Variants in SIPA1L1 observed in about 807,000 individuals in gnomAD.
The protein encoded by SIPA1L1 is signal-induced proliferation-associated 1-like protein 1.
SIPA1L1 carries 26 observed loss-of-function variants against 162.7 expected under a neutral mutation model. That is an observed-to-expected ratio of 0.16 (90% CI 0.12 to 0.22). The LOEUF (loss-of-function observed/expected upper bound fraction) is 0.22. SIPA1L1 is among the 10% of genes least tolerant of loss of function. SIPA1L1 has a pLI of 1.00. For missense variants in SIPA1L1, 1,874 were observed against 2,241.0 expected, an observed-to-expected ratio of 0.84 and a Z score of 3.31; for synonymous variants, 829 against 837.4, an observed-to-expected ratio of 0.99 and a Z score of 0.17.
At chr14:71,616,547 G>C (rs1269022008) in intron 5 of SIPA1L1, among the ~76,000 whole-genome samples, 1 of 151,278 alleles carries the variant, frequency 6.6e-6, no homozygotes, top group Non-Finnish European at 1.5e-5. Context: ...GGGTCATCAA[G>C]GTACCTGAGT....
At chr14:71,450,787 C>T (rs1393619543) in intron 2 of SIPA1L1, among the ~76,000 whole-genome samples, 1 of 152,064 alleles carries the variant, frequency 6.6e-6, no homozygotes, top group African/African-American at 2.4e-5. Flanking sequence ...AAAGGGAACC[C>T]TTGCATACTG....
At chr14:71,529,433 T>C in intron 4 of SIPA1L1, 63 bp downstream of exon 4, 1 of 574,406 alleles carries the variant, frequency 1.7e-6, no homozygotes, top group Non-Finnish European at 3.2e-6. Flanking sequence ...TTTCTGTGTT[T>C]AAATTTCTGA....
chr14:71,605,489 G>A (rs2037380943), intron 5 of SIPA1L1, among the ~76,000 whole-genome samples: 1 of 152,140 alleles, frequency 6.6e-6, no homozygotes, highest in Admixed American at 6.5e-5. Context: ...CACATCTGAT[G>A]TAACAGTTGC....
At chr14:71,730,329 A>G (rs758027562) in intron 20 of SIPA1L1, 28 bp downstream of exon 20, 9 of 1,611,014 alleles carry the variant, frequency 5.6e-6, no homozygotes, top group Non-Finnish European at 5.9e-6. Context: ...TGCAGCCTGG[A>G]TGGCCCTGTT....
rs148648920 is a variant in SIPA1L1 at position 71,568,610 on chromosome 14, C to T, written c.-302-18961C>T. 2.8e-4 allele frequency among the ~76,000 whole-genome samples: 43 copies of T among 152,106 alleles called. No homozygotes were observed. In the South Asian group the frequency reaches 7.7e-3, roughly 27 times the overall value. ...CTTGGATCTTGTGCAAGAAAGAATT[C>T]GAGGTGAATCCGTAAAGTGAGAGCA... On this transcript the variant is annotated intron_variant, in intron 4 of 23. Transcript: ENST00000381232.
chr14:71,544,023 G>A (rs556708018), intron 4 of SIPA1L1, among the ~76,000 whole-genome samples: 37 of 143,184 alleles, frequency 2.6e-4, no homozygotes, highest in Admixed American at 9.1e-4. Flanking sequence ...ATACACATAC[G>A]CACATGTATG....
chr14:71,735,450 A>T, intron 22 of SIPA1L1, 59 bp downstream of exon 22: 1 of 1,175,594 alleles, frequency 8.5e-7, no homozygotes, highest in East Asian at 2.3e-5. Context: ...CACTGACTGC[A>T]TCTGTGGGGA....
chr14:71,723,946 A>G (rs2083992349), intron 18 of SIPA1L1, 60 bp downstream of exon 18: 2 of 1,598,192 alleles, frequency 1.3e-6, no homozygotes, highest in East Asian at 2.2e-5. Flanking sequence ...GAGAATAGAA[A>G]AGCTTGGCGT....
chr14:71,503,695 A>G (rs181510124), intron 2 of SIPA1L1: 13 of 152,328 alleles, frequency 8.5e-5, no homozygotes, highest in African/African-American at 2.6e-4. Flanking sequence ...TTACTTTTGT[A>G]AACTATGTTG....
At chr14:71,675,372 G>A (rs144051558) in intron 12 of SIPA1L1, among the ~76,000 whole-genome samples, 30 of 118,456 alleles carry the variant, frequency 2.5e-4, no homozygotes, top group African/African-American at 8.1e-4. Flanking sequence ...CATCTGAAAA[G>A]CCATACAGTT....
At chr14:71,491,639 A>C (rs1362298893) in intron 2 of SIPA1L1, among the ~76,000 whole-genome samples, 2 of 152,054 alleles carry the variant, frequency 1.3e-5, no homozygotes, top group East Asian at 3.9e-4. Flanking sequence ...GGCTCAAGCA[A>C]TCCTCCCACC....
chr14:71,685,402 A>G lies in SIPA1L1; in HGVS notation c.3145A>G (p.Lys1049Glu). The G allele has an allele frequency of 6.2e-7, 1 of 1,614,212 alleles. No homozygotes were observed. The highest frequency in any genetic ancestry group is 8.5e-7 in the Non-Finnish European group (1 of 1,180,040). ...CTACCGCATGCCAGTGATGGAGTAC[A>G]AAATGAATGAAGGTGTTTCATACGA... ...ETYRMPVMEY[K>E]MNEGVSYEFK... Residue 1049 changes from lysine to glutamate, a missense_variant, in exon 13 of 24, where the codon AAA becomes GAA. Physicochemically the swap from Lys to Glu is moderately conservative, Grantham distance 56. Transcript: ENST00000381232.
At chr14:71,715,971 G>A (rs1015310349) in intron 17 of SIPA1L1, among the ~76,000 whole-genome samples, 12 of 152,144 alleles carry the variant, frequency 7.9e-5, no homozygotes, top group African/African-American at 2.2e-4. Context: ...TGTGGTCCAC[G>A]GTGATCCCTG....
At chr14:71,509,286 G>A (rs886298999) in intron 2 of SIPA1L1, among the ~76,000 whole-genome samples, 1 of 152,072 alleles carries the variant, frequency 6.6e-6, no homozygotes, top group Non-Finnish European at 1.5e-5. Context: ...ATGGAAAAAA[G>A]GTAAATTTTT....
intron 2 of SIPA1L1, among the ~76,000 whole-genome samples, chr14:71,452,088 A>G (rs943213860): frequency 6.6e-6 from 1 of 152,174 alleles, no homozygotes; most frequent in Non-Finnish European, 1.5e-5. Context: ...TTCACCTTTG[A>G]TAAGTTTTCA....
At chr14:71,500,437 G>C (rs1483925909) in intron 2 of SIPA1L1, among the ~76,000 whole-genome samples, 1 of 152,144 alleles carries the variant, frequency 6.6e-6, no homozygotes, top group South Asian at 2.1e-4. Flanking sequence ...TAAAGCCACA[G>C]TTGTATTATT....
At chr14:71,331,881 G>C (rs1399220818) in intron 2 of SIPA1L1, among the ~76,000 whole-genome samples, 1 of 152,180 alleles carries the variant, frequency 6.6e-6, no homozygotes, top group Non-Finnish European at 1.5e-5. Flanking sequence ...ACAGAAAACT[G>C]ATCTGGCTGG....
At chr14:71,408,620 C>G (rs149550544) in intron 2 of SIPA1L1, among the ~76,000 whole-genome samples, 392 of 152,304 alleles carry the variant, frequency 2.6e-3, no homozygotes, top group Non-Finnish European at 4.6e-3. Context: ...GCCTCCACCC[C>G]CTTTCCCCTT....
chr14:71,667,837 A>C (rs2044164512), intron 10 of SIPA1L1, among the ~76,000 whole-genome samples: 1 of 152,166 alleles, frequency 6.6e-6, no homozygotes, highest in Non-Finnish European at 1.5e-5. Context: ...AGGCTGAGGC[A>C]GGCGGATCAT....
Sources: gnomAD v4.1 joint callset for allele counts (sites outside exome capture counted in the v4.1 genomes callset) on GRCh38, gnomAD v4.1.1 for gene constraint, MANE v1.5 for transcripts, NCBI Gene and HGNC (gene_info 2026-07-23, HGNC 2026-07-21) for gene names.